Variants in MYO15A observed in about 807,000 individuals in gnomAD.
MYO15A encodes myosin XVA.
A neutral mutation model predicts 394.6 loss-of-function variants in MYO15A; 308 were observed. The ratio of observed to expected loss-of-function variants is 0.78; its 90% CI spans 0.71 to 0.86. MYO15A has a LOEUF of 0.86. Among genes scored for constraint, MYO15A ranks in the 40% least tolerant of loss-of-function variants. The probability of loss-of-function intolerance (pLI) is 0.00; values close to 1 mark genes in which losing one functional copy is unlikely to be tolerated. For missense variants in MYO15A, 4,606 were observed against 4,799.1 expected, an observed-to-expected ratio of 0.96 and a Z score of 1.19; for synonymous variants, 1,957 against 2,003.8, an observed-to-expected ratio of 0.98 and a Z score of 0.62.
In MYO15A at chr17:18,111,348, AAAAAAAAAAAAAAAAAAAC is replaced by A. The variant is rs1284591231; in HGVS notation, c.-220+2528_-220+2546del. Among the ~76,000 whole-genome samples, 18 of 55,364 alleles carry A rather than the reference AAAAAAAAAAAAAAAAAAAC, an allele frequency of 3.3e-4. 1 individual carries two copies. Among genetic ancestry groups the A allele is most frequent in the African/African-American group, 8.2e-5 (1 of 12,210 alleles). 36.3% of individuals were successfully genotyped at this position (55,364 alleles called of 152,430 possible). On this transcript the variant is annotated intron_variant, in intron 1 of 65. Transcript: ENST00000647165. ...AGAGCCTGTCTCAAAAGAGAAAAAA[AAAAAAAAAAAAAAAAAAAC>A]AAAGTCTGTGTCCCCTACAACACAG...
rs768460837 is a variant in MYO15A at position 18,135,769 on chromosome 17, A to G, written c.4541A>G (p.Glu1514Gly). 1 of 1,614,152 alleles carries G rather than the reference A, an allele frequency of 6.2e-7. No individual in the cohort carries two copies. The highest frequency in any genetic ancestry group is 8.5e-7 in the Non-Finnish European group (1 of 1,180,014). ...GCCCGAGAGATCCAGGCCGTGGCAGAGCTGCTGCAGATCTCCCCTGAGGGC... is the reference window on the plus strand; with the variant it reads ...GCCCGAGAGATCCAGGCCGTGGCAGGGCTGCTGCAGATCTCCCCTGAGGGC... ...VSAREIQAVAELLQISPEGLQ... is the reference protein window; with the variant it reads ...VSAREIQAVAGLLQISPEGLQ... The change falls in exon 13 of 66, where the codon GAG becomes GGG. Residue 1514 changes from glutamate to glycine, a missense_variant. Physicochemically the swap from Glu to Gly is moderately conservative, Grantham distance 98. This residue lies in a region of MYO15A where 2,776 missense variants were observed against 3,109.3 expected (regional missense o/e 0.89). Coordinates refer to ENST00000647165, the MANE Select transcript of MYO15A (RefSeq NM_016239.4).
chr17:18,146,591 T>C (rs2046484501), intron 30 of MYO15A, among the ~76,000 whole-genome samples: 1 of 152,298 alleles, frequency 6.6e-6, no homozygotes, highest in Admixed American at 6.5e-5. Context: ...TGAGTTTTCA[T>C]GCTCAGGCAT....
chr17:18,130,108 G>C (rs763454959), intron 7 of MYO15A, among the ~76,000 whole-genome samples: 3 of 152,058 alleles, frequency 2.0e-5, no homozygotes, highest in African/African-American at 4.8e-5. Context: ...CTGGATCTCC[G>C]GGCCTCGTGA....
chr17:18,172,056 A>T (rs2046950211), intron 63 of MYO15A, 101 bp from the exon 64 acceptor site: 2 of 1,590,110 alleles, frequency 1.3e-6, no homozygotes, highest in Non-Finnish European at 1.7e-6. Context: ...GGGCTTCTGC[A>T]CTGGCTGGAC....
chr17:18,120,617 C>T lies in MYO15A; in HGVS notation c.1817C>T (p.Ala606Val), dbSNP rs2045901121. Residue 606 changes from alanine (A) to valine (V), a missense_variant, in exon 2 of 66, where the codon GCC becomes GTC. By Grantham distance (64) the Ala-to-Val change is moderately conservative. This residue lies in a region of MYO15A where 1,830 missense variants were observed against 1,689.7 expected (regional missense o/e 1.08). Coordinates refer to ENST00000647165, the MANE Select transcript of MYO15A (RefSeq NM_016239.4). The stretch of plus-strand genomic sequence containing the variant: ...GGCGGCCCTGCTGTCAGGGAGGCGG[C>T]CTACAAACGCTTCGGCTACAAGCTG... ...RAGGPAVREA[A>V]YKRFGYKLAG... 10 of 1,597,176 alleles carry T rather than the reference C, an allele frequency of 6.3e-6. No individual in the cohort carries two copies. The highest frequency in any genetic ancestry group is 7.7e-6 in the Non-Finnish European group (9 of 1,174,416).
In MYO15A at chr17:18,148,959, A is replaced by G; in HGVS notation, c.6956+7A>G. 1 of 1,583,332 alleles carries G rather than the reference A, an allele frequency of 6.3e-7. No homozygotes were observed. The highest frequency in any genetic ancestry group is 8.6e-7 in the Non-Finnish European group (1 of 1,164,880). Reference sequence around the variant, plus strand: ...GCAGGGGAGGCCCCAAAGTGTAGGTAGCTATGGGGGACCCCCTCACAGATG... The same window carrying G: ...GCAGGGGAGGCCCCAAAGTGTAGGTGGCTATGGGGGACCCCCTCACAGATG... On this transcript the variant is annotated splice_region_variant and intron_variant, in intron 33 of 65. Transcript: ENST00000647165. The surrounding 1 kb of genome is among the most constrained non-coding windows in gnomAD (Gnocchi z 4.8).
At position 18,135,124 on chromosome 17, in the gene MYO15A, C is replaced by T. The variant is rs548167622; in HGVS notation, c.4483-587C>T. 3.9e-5 allele frequency among the ~76,000 whole-genome samples: 6 copies of T among 152,280 alleles called. No individual in the cohort carries two copies. The South Asian group carries it at 1.0e-3, about 26-fold the overall frequency. ...CATTCGATCCTCCCACCTCAGCCTCCCAAAGTGCTGGGATTACAGACATGA... is the reference window on the plus strand; with the variant it reads ...CATTCGATCCTCCCACCTCAGCCTCTCAAAGTGCTGGGATTACAGACATGA... On this transcript the variant is annotated intron_variant, in intron 12 of 65. Transcript: ENST00000647165.
At chr17:18,140,718 C>T (rs1193109777) in intron 20 of MYO15A, 53 bp downstream of exon 20, 5 of 1,614,050 alleles carry the variant, frequency 3.1e-6, no homozygotes, top group Non-Finnish European at 3.4e-6. Context: ...TAACCCACCT[C>T]ATGACCCTCA....
intron 7 of MYO15A, among the ~76,000 whole-genome samples, chr17:18,130,313 G>A (rs1223183425): frequency 6.6e-6 from 1 of 151,872 alleles, no homozygotes; most frequent in Non-Finnish European, 1.5e-5. Context: ...TTCTAGTGGG[G>A]AGACAGACAA....
rs938642509 is a variant in MYO15A at position 18,163,214 on chromosome 17, T to C, written c.9613-30T>C. Reference sequence around the variant, plus strand: ...CTGTCCCAGATCCTAGGACCCAACCTGTCATCCCTCTCCCACCTATCTACC... The same window carrying C: ...CTGTCCCAGATCCTAGGACCCAACCCGTCATCCCTCTCCCACCTATCTACC... On this transcript the variant is annotated intron_variant, in intron 58 of 65. Coordinates refer to ENST00000647165, the MANE Select transcript of MYO15A (RefSeq NM_016239.4). 4 of 1,609,364 alleles carry C rather than the reference T, an allele frequency of 2.5e-6. No homozygotes were observed. The African/African-American group carries it at 5.3e-5, about 22-fold the overall frequency.
In MYO15A at chr17:18,132,421, C is replaced by G; in HGVS notation, c.4207-32C>G. 6.3e-7 allele frequency: 1 copy of G among 1,579,262 alleles called. No homozygotes were observed. Among genetic ancestry groups the G allele is most frequent in the South Asian group, 1.1e-5 (1 of 90,446 alleles). ...CTGGGGGTCACCTAGGTAGGTGGCT[C>G]CCTTCTCTGTGCCCACCTACCCACT... On this transcript the variant is annotated intron_variant, in intron 10 of 65. Transcript: ENST00000647165. The surrounding 1 kb of genome is among the most constrained non-coding windows in gnomAD (Gnocchi z 4.6).
chr17:18,132,764 A>G lies in MYO15A; in HGVS notation c.4320+198A>G, dbSNP rs2046191425. Among the ~76,000 whole-genome samples, 1 of 152,196 alleles carries G rather than the reference A, an allele frequency of 6.6e-6. No individual in the cohort carries two copies. The highest frequency in any genetic ancestry group is 2.4e-5 in the African/African-American group (1 of 41,466). ...TCTGGGTCCAAAGCGGAAGCAGGAA[A>G]GGCCTACCTGACTTCATTTCTCTGG... On this transcript the variant is annotated intron_variant, in intron 11 of 65. Coordinates refer to ENST00000647165, the MANE Select transcript of MYO15A (RefSeq NM_016239.4). This position sits in a 1 kb window ranked among gnomAD's most constrained non-coding sequence, Gnocchi z 4.6.
chr17:18,173,859 T>C lies in MYO15A; in HGVS notation c.10429T>C (p.Tyr3477His), dbSNP rs754140559. The C allele has an allele frequency of 1.9e-6, 3 of 1,613,274 alleles. No homozygotes were observed. The Admixed American group carries it at 5.0e-5, about 27-fold the overall frequency. ...GCCCACGGCCAACTCCAGCTACCCC[T>C]ATGTGGAGATTGCGCTGGGGGACGT... ...QRPTANSSYP[Y>H]VEIALGDVAA... is the part of the protein sequence containing the mutation. The change falls in exon 65 of 66, where the codon TAT (tyrosine) becomes CAT (histidine). Residue 3477 changes from tyrosine (Y) to histidine (H), a missense_variant. By Grantham distance (83) the Tyr-to-His change is moderately conservative. This residue lies in a region of MYO15A where 2,776 missense variants were observed against 3,109.3 expected (regional missense o/e 0.89). Coordinates refer to ENST00000647165, the MANE Select transcript of MYO15A (RefSeq NM_016239.4).
At chr17:18,159,075 C>G in intron 53 of MYO15A, 78 bp downstream of exon 53, 1 of 1,492,940 alleles carries the variant, frequency 6.7e-7, no homozygotes, top group Non-Finnish European at 9.2e-7. Flanking sequence ...CTGGGGCCAA[C>G]AAACTTGTTC....
intron 1 of MYO15A, among the ~76,000 whole-genome samples, chr17:18,118,103 C>T (rs988266918): frequency 1.3e-5 from 2 of 152,090 alleles, no homozygotes; most frequent in Admixed American, 1.3e-4. Context: ...TCCACTGAAA[C>T]GCCCCTCCTT....
intron 40 of MYO15A, 106 bp from the exon 41 acceptor site, chr17:18,151,740 A>C (rs1380636373): frequency 4.1e-6 from 5 of 1,232,150 alleles, no homozygotes; most frequent in Non-Finnish European, 5.8e-6. Context: ...ATTCTCATTT[A>C]TAATGATAGG....
Position 18,150,308 on chromosome 17 carries a change from C to T in MYO15A, c.7213-121C>T. 1 of 840,404 alleles carries T rather than the reference C, an allele frequency of 1.2e-6. No homozygotes were observed. The highest frequency in any genetic ancestry group is 2.0e-6 in the Non-Finnish European group (1 of 495,672). The allele number at this position is 840,404 out of a possible 1,614,324, so 52.1% of individuals were successfully genotyped here. A position where few individuals can be genotyped will look rare whatever the true frequency, so the allele number is the denominator to read the frequency against. ...GCTGAGCATACAGCAGACACTGAGC[C>T]AGTGGGAGGCTGCCCCCTCCCACGA... On this transcript the variant is annotated intron_variant, in intron 35 of 65. Coordinates refer to ENST00000647165, the MANE Select transcript of MYO15A (RefSeq NM_016239.4). The surrounding 1 kb of genome is among the most constrained non-coding windows in gnomAD (Gnocchi z 4.4).
At chr17:18,151,663 C>T (rs1358645269) in intron 40 of MYO15A, 136 bp downstream of exon 40, 6 of 1,244,706 alleles carry the variant, frequency 4.8e-6, no homozygotes, top group Admixed American at 1.9e-5. Context: ...CTGATGAGTC[C>T]AGATGAGGCC....
intron 62 of MYO15A, among the ~76,000 whole-genome samples, chr17:18,169,989 A>C (rs912326214): frequency 1.4e-5 from 2 of 145,072 alleles, no homozygotes; most frequent in African/African-American, 4.9e-5. Flanking sequence ...AAAAAAAAAA[A>C]AAAAAAAACC....
Sources: allele counts gnomAD v4.1 joint callset (sites outside exome capture counted in the v4.1 genomes callset), GRCh38; gene constraint gnomAD v4.1.1; regional missense constraint gnomAD v4.1.1; non-coding constraint Gnocchi (gnomAD v3.1); transcripts MANE v1.5; gene names NCBI Gene and HGNC (gene_info 2026-07-23, HGNC 2026-07-21).